CFAP97D2: variants seen among roughly 807,000 people sequenced by gnomAD.
The protein encoded by CFAP97D2 is uncharacterized protein CFAP97D2.
At chr13:114,196,800 G>A (rs528515397) in intron 2 of CFAP97D2, among the ~76,000 whole-genome samples, 1 of 152,288 alleles carries the variant, frequency 6.6e-6, no homozygotes, top group South Asian at 2.1e-4. Context: ...TTCCCAAGGT[G>A]GTCAAGATAC....
chr13:114,206,623 A>G (rs1008218681), intron 3 of CFAP97D2, among the ~76,000 whole-genome samples: 5 of 152,240 alleles, frequency 3.3e-5, no homozygotes, highest in Admixed American at 3.3e-4. Flanking sequence ...AAATCTATAG[A>G]AACAGAAAGT....
intron 1 of CFAP97D2, among the ~76,000 whole-genome samples, chr13:114,181,978 AG>A (rs1210061401): frequency 1.3e-5 from 2 of 152,146 alleles, no homozygotes; most frequent in African/African-American, 4.8e-5. Flanking sequence ...GACTGAGAAA[AG>A]AAATAAGACA....
chr13:114,210,408 GT>G (rs2080961592), intron 3 of CFAP97D2, among the ~76,000 whole-genome samples: 1 of 152,134 alleles, frequency 6.6e-6, no homozygotes, highest in South Asian at 2.1e-4. Flanking sequence ...TTGACCCACT[GT>G]ATTTGACCCT....
intron 1 of CFAP97D2, among the ~76,000 whole-genome samples, chr13:114,180,211 G>A (rs529617823): frequency 9.2e-5 from 14 of 152,342 alleles, no homozygotes; most frequent in African/African-American, 3.4e-4. Flanking sequence ...AGAAGGAGAA[G>A]TTTGGGTTTC....
Position 114,207,556 on chromosome 13 carries a change from G to A in CFAP97D2, c.291-4356G>A, listed in dbSNP as rs2080946917. On this transcript the variant is annotated intron_variant, in intron 3 of 4. Transcript: ENST00000646158. The surrounding 1 kb of genome is among the most constrained non-coding windows in gnomAD (Gnocchi z 4.9). Reference sequence around the variant, plus strand: ...GTTCACACTCCTATGACAATCTAATGGCACTGCTGATCTGACAGGAGGTGG... The same window carrying A: ...GTTCACACTCCTATGACAATCTAATAGCACTGCTGATCTGACAGGAGGTGG... 6.6e-6 allele frequency among the ~76,000 whole-genome samples: 1 copy of A among 152,178 alleles called. No individual in the cohort carries two copies. Among genetic ancestry groups the A allele is most frequent in the African/African-American group, 2.4e-5 (1 of 41,450 alleles).
At chr13:114,198,372 T>A (rs973073045) in intron 2 of CFAP97D2, among the ~76,000 whole-genome samples, 3 of 152,262 alleles carry the variant, frequency 2.0e-5, no homozygotes, top group Non-Finnish European at 4.4e-5. Context: ...CCAGCATATC[T>A]GCAGACCGAC....
intron 4 of CFAP97D2, among the ~76,000 whole-genome samples, chr13:114,220,595 C>T (rs956652469): frequency 1.3e-5 from 2 of 152,222 alleles, no homozygotes; most frequent in Non-Finnish European, 2.9e-5. Context: ...TCCAACAAAA[C>T]CCACTGGCCA....
intron 2 of CFAP97D2, among the ~76,000 whole-genome samples, chr13:114,199,915 A>C (rs7321432): frequency 0.4 from 161 of 398 alleles, 56 homozygotes; most frequent in East Asian, 0.67. Context: ...ACGGTCCCCG[A>C]TGAGGCGTGA....
rs904616913 is a variant in CFAP97D2, at chr13:114,179,807, T to C, written c.90+387T>C. On this transcript the variant is annotated intron_variant, in intron 1 of 4. Coordinates refer to ENST00000646158, the Ensembl canonical transcript of CFAP97D2. The surrounding 1 kb of genome is among the most constrained non-coding windows in gnomAD (Gnocchi z 4.8). Reference sequence around the variant, plus strand: ...TTTTTGTTTTTTGTTTTTGTTTTTGTTTTTGTTTGTTTTTGAGAGGGATGT... The same window carrying C: ...TTTTTGTTTTTTGTTTTTGTTTTTGCTTTTGTTTGTTTTTGAGAGGGATGT... 6.6e-6 allele frequency among the ~76,000 whole-genome samples: 1 copy of C among 152,160 alleles called. No individual in the cohort carries two copies. The highest frequency in any genetic ancestry group is 1.5e-5 in the Non-Finnish European group (1 of 68,040).
At chr13:114,201,458 G>C (rs1462182583) in intron 3 of CFAP97D2, among the ~76,000 whole-genome samples, 2 of 152,190 alleles carry the variant, frequency 1.3e-5, no homozygotes, top group Non-Finnish European at 2.9e-5. Flanking sequence ...CCACTGGGAA[G>C]GTGCTGCTCC....
At chr13:114,182,028 G>GT (rs1407523471) in intron 1 of CFAP97D2, among the ~76,000 whole-genome samples, 2 of 152,082 alleles carry the variant, frequency 1.3e-5, no homozygotes, top group African/African-American at 4.8e-5. Context: ...GGGCCCAGGG[G>GT]ACCGGCGCTC....
intron 4 of CFAP97D2, among the ~76,000 whole-genome samples, chr13:114,221,553 CT>C (rs904625629): frequency 1.3e-5 from 2 of 152,176 alleles, no homozygotes; most frequent in African/African-American, 4.8e-5. Context: ...TGAGATGTCA[CT>C]TGCAGCCACT....
intron 1 of CFAP97D2, among the ~76,000 whole-genome samples, chr13:114,196,015 G>A (rs553906600): frequency 6.7e-6 from 1 of 150,158 alleles, no homozygotes; most frequent in Non-Finnish European, 1.5e-5. Context: ...CCCGGCAGAC[G>A]GAGCTTGCAG....
chr13:114,208,819 T>C (rs1199936657), intron 3 of CFAP97D2, among the ~76,000 whole-genome samples: 5 of 152,164 alleles, frequency 3.3e-5, no homozygotes, highest in Admixed American at 6.5e-5. Context: ...TTGGGAACCT[T>C]GCTATGTGTC....
In CFAP97D2 at chr13:114,203,154, C is replaced by T. The variant is rs2080926000; in HGVS notation, c.290+2711C>T. ...TATTTCTATTCACAGATGATATGAT[C>T]TTGCATATAGAAAATCTTAAGGAAT... On this transcript the variant is annotated intron_variant, in intron 3 of 4. Coordinates refer to ENST00000646158, the Ensembl canonical transcript of CFAP97D2. The surrounding 1 kb of genome is among the most constrained non-coding windows in gnomAD (Gnocchi z 4.3). Among the ~76,000 whole-genome samples the T allele has an allele frequency of 6.6e-6, 1 of 152,166 alleles. No homozygotes were observed. Among genetic ancestry groups the T allele is most frequent in the African/African-American group, 2.4e-5 (1 of 41,434 alleles).
chr13:114,210,827 G>T (rs1046118013), intron 3 of CFAP97D2, among the ~76,000 whole-genome samples: 1 of 149,876 alleles, frequency 6.7e-6, no homozygotes, highest in Non-Finnish European at 1.5e-5. Context: ...CACTCCCAGG[G>T]TTAAATGAGA....
At position 114,179,346 on chromosome 13, in the gene CFAP97D2, C is replaced by G; in HGVS notation, c.16C>G (p.Arg6Gly). ...TGTTGCTGAGATGCACGGAGCCCCC[C>G]GGCTGACCTTTCCCTGTGCCAGTGA... Residue 6 changes from arginine (R) to glycine (G), a missense_variant, in exon 1 of 5, where the codon CGG (arginine) becomes GGG (glycine). Physicochemically the swap from Arg to Gly is moderately radical, Grantham distance 125. Transcript: ENST00000646158. The surrounding 1 kb of genome is among the most constrained non-coding windows in gnomAD (Gnocchi z 4.8). 1 of 398,738 alleles carries G rather than the reference C, an allele frequency of 2.5e-6. No individual in the cohort carries two copies. Among genetic ancestry groups the G allele is most frequent in the Non-Finnish European group, 4.4e-6 (1 of 226,166 alleles). The allele number at this position is 398,738 out of a possible 1,614,324, so 24.7% of individuals were successfully genotyped here. A position where few individuals can be genotyped will look rare whatever the true frequency, so the allele number is the denominator to read the frequency against.
chr13:114,221,110 A>G (rs964571107), intron 4 of CFAP97D2, among the ~76,000 whole-genome samples: 1 of 152,190 alleles, frequency 6.6e-6, no homozygotes. Context: ...AGCTGAGTGT[A>G]GTGGCGTGCG....
rs959059448 is a variant in CFAP97D2 at position 114,189,858 on chromosome 13, C to T, written c.91-6538C>T. On this transcript the variant is annotated intron_variant, in intron 1 of 4. Coordinates refer to ENST00000646158, the Ensembl canonical transcript of CFAP97D2. This position sits in a 1 kb window ranked among gnomAD's most constrained non-coding sequence, Gnocchi z 4.5. The stretch of plus-strand genomic sequence containing the variant: ...TTTCTCAACTTGATAAAGAATATCT[C>T]CAGGCTGGGCATGGTGGCTCGCCCT... Among the ~76,000 whole-genome samples, 4 of 152,124 alleles carry T rather than the reference C, an allele frequency of 2.6e-5. No individual in the cohort carries two copies. The highest frequency in any genetic ancestry group is 9.7e-5 in the African/African-American group (4 of 41,410).
Sources: allele counts gnomAD v4.1 joint callset (sites outside exome capture counted in the v4.1 genomes callset), GRCh38; gene constraint gnomAD v4.1.1; non-coding constraint Gnocchi (gnomAD v3.1); transcripts MANE v1.5; gene names NCBI Gene and HGNC (gene_info 2026-07-23, HGNC 2026-07-21).